MED12L: variants seen among roughly 807,000 people sequenced by gnomAD.
MED12L encodes mediator complex subunit 12L.
A neutral mutation model predicts 281.3 loss-of-function variants in MED12L; 60 were observed. The observed-to-expected ratio is 0.21, with a 90% CI of 0.17 to 0.26. MED12L has a LOEUF of 0.26. Among genes scored for constraint, MED12L ranks in the 10% least tolerant of loss-of-function variants. The pLI, the probability that MED12L is intolerant of heterozygous loss-of-function variation, is 1.00. For missense variants in MED12L, 2,146 were observed against 2,680.9 expected (o/e 0.80, Z 4.41); for synonymous variants, 974 against 987.2 (o/e 0.99, Z 0.25).
intron 1 of MED12L, among the ~76,000 whole-genome samples, chr3:151,086,142 G>C (rs999915432): frequency 3.3e-5 from 5 of 152,116 alleles, no homozygotes; most frequent in African/African-American, 9.7e-5. Flanking sequence ...CCCTCCAGCC[G>C]CCGCGACCGC....
Position 151,382,687 on chromosome 3 carries a change from A to G in MED12L, c.4622A>G (p.Gln1541Arg). ...ILSNWREERY[Q>R]DDIKARQMMH... ...AGTAACTGGAGAGAAGAACGATACC[A>G]AGATGACATAAAAGCGCGGCAGATG... Residue 1541 changes from glutamine (Q) to arginine (R), a missense_variant, in exon 33 of 45, where the codon CAA becomes CGA. Gln to Arg is a conservative substitution (Grantham distance 43). Transcript: ENST00000687756. 6.2e-7 allele frequency: 1 copy of G among 1,612,556 alleles called. No homozygotes were observed. Among genetic ancestry groups the G allele is most frequent in the Non-Finnish European group, 8.5e-7 (1 of 1,179,276 alleles).
At chr3:151,372,451 C>T in intron 26 of MED12L, 116 bp from the exon 27 acceptor site, 2 of 711,774 alleles carry the variant, frequency 2.8e-6, no homozygotes, top group Non-Finnish European at 4.8e-6. Flanking sequence ...ACTGGCTATT[C>T]AATAATAATA....
Position 151,434,859 on chromosome 3 carries a change from T to G in MED12L, c.*2055T>G, listed in dbSNP as rs1264843282. The G allele has an allele frequency of 6.6e-6, 1 of 152,252 alleles. No homozygotes were observed. Among genetic ancestry groups the G allele is most frequent in the Non-Finnish European group, 1.5e-5 (1 of 68,046 alleles). The allele number at this position is 152,252 out of a possible 1,614,324, so 9.4% of individuals were successfully genotyped here. A position where few individuals can be genotyped will look rare whatever the true frequency, so the allele number is the denominator to read the frequency against. Reference sequence around the variant, plus strand: ...TACTTTGCAGAGGTGAGTTAAATTATTAATCATTTTGCACATGAAAGCTGT... The same window carrying G: ...TACTTTGCAGAGGTGAGTTAAATTAGTAATCATTTTGCACATGAAAGCTGT... On this transcript the variant is annotated 3_prime_UTR_variant, in exon 45 of 45. Transcript: ENST00000687756.
intron 3 of MED12L, among the ~76,000 whole-genome samples, chr3:151,119,343 T>A (rs1373090062): frequency 6.6e-6 from 1 of 152,218 alleles, no homozygotes; most frequent in Admixed American, 6.5e-5. Flanking sequence ...ATTTATTTTC[T>A]CACTATCTGA....
chr3:151,242,446 C>G lies in MED12L; in HGVS notation c.2250+48780C>G, dbSNP rs1213295100. Among the ~76,000 whole-genome samples, 4 of 152,102 alleles carry G rather than the reference C, an allele frequency of 2.6e-5. No homozygotes were observed. The East Asian group carries it at 7.7e-4, about 29-fold the overall frequency. On this transcript the variant is annotated intron_variant, in intron 16 of 44. Coordinates refer to ENST00000687756, the MANE Select transcript of MED12L (RefSeq NM_001393769.1). ...AGATCTGAGAACCGGCAGACTGCCT[C>G]CTCAAGTGGGTCCCTGACCCCTGAG...
intron 16 of MED12L, among the ~76,000 whole-genome samples, chr3:151,286,853 A>G (rs945230057): frequency 9.2e-5 from 14 of 152,202 alleles, no homozygotes; most frequent in Non-Finnish European, 1.0e-4. Flanking sequence ...TTATAAGGGA[A>G]TAAAATGATC....
chr3:151,381,745 C>A (rs1309788892), intron 32 of MED12L, among the ~76,000 whole-genome samples: 2 of 152,130 alleles, frequency 1.3e-5, no homozygotes, highest in Non-Finnish European at 2.9e-5. Context: ...TATTTGAGCT[C>A]CATGAGAGCT....
chr3:151,403,596 A>G (rs549867549), intron 39 of MED12L, among the ~76,000 whole-genome samples: 6 of 152,272 alleles, frequency 3.9e-5, no homozygotes, highest in African/African-American at 1.2e-4. Context: ...CTTCATCTCT[A>G]CTGCTTTGCC....
chr3:151,329,344 G>C, intron 16 of MED12L: 1 of 605,032 alleles, frequency 1.7e-6, no homozygotes, highest in Admixed American at 3.3e-5. Context: ...TAATACATCA[G>C]ATTGCTGTAA....
chr3:151,391,635 A>G (rs891400253), intron 38 of MED12L, among the ~76,000 whole-genome samples: 3 of 152,234 alleles, frequency 2.0e-5, no homozygotes, highest in Non-Finnish European at 2.9e-5. Context: ...AACGTTTACA[A>G]ATTTTTGTTG....
chr3:151,290,819 CT>C (rs1280957204), intron 16 of MED12L, among the ~76,000 whole-genome samples: 2 of 152,176 alleles, frequency 1.3e-5, no homozygotes, highest in Non-Finnish European at 2.9e-5. Context: ...AATTCGAATG[CT>C]GTAAATAGGA....
At chr3:151,355,822 G>A (rs1753847416) in intron 18 of MED12L, 74 bp from the exon 19 acceptor site, 2 of 1,367,442 alleles carry the variant, frequency 1.5e-6, no homozygotes, top group Admixed American at 2.3e-5. Context: ...GTCTTAAAAA[G>A]TAAAAATGAT....
chr3:151,178,533 A>G (rs1246753723), intron 11 of MED12L, among the ~76,000 whole-genome samples: 1 of 152,212 alleles, frequency 6.6e-6, no homozygotes, highest in African/African-American at 2.4e-5. Flanking sequence ...AGGGAAGGAC[A>G]GAGTTACCTA....
chr3:151,424,644 C>A (rs1297786085), intron 43 of MED12L, among the ~76,000 whole-genome samples: 2 of 151,710 alleles, frequency 1.3e-5, no homozygotes, highest in African/African-American at 2.4e-5. Context: ...CAAAACAAAA[C>A]AAAAAAACTC....
At chr3:151,362,877 A>G (rs577261651) in intron 21 of MED12L, among the ~76,000 whole-genome samples, 2 of 152,284 alleles carry the variant, frequency 1.3e-5, no homozygotes, top group African/African-American at 4.8e-5. Context: ...TTGTGTCACA[A>G]TTTAAAAATA....
intron 5 of MED12L, among the ~76,000 whole-genome samples, chr3:151,151,597 T>A (rs951310492): frequency 1.1e-5 from 1 of 88,438 alleles, no homozygotes. Flanking sequence ...GGGTGGGGGG[T>A]GGGAAGAGAG....
At position 151,163,769 on chromosome 3, in the gene MED12L, G is replaced by A. The variant is rs1469853951; in HGVS notation, c.1108-124G>A. 5.4e-6 allele frequency: 5 copies of A among 922,702 alleles called. No homozygotes were observed. In the South Asian group the frequency reaches 6.1e-5, roughly 11 times the overall value. 57.2% of individuals were successfully genotyped at this position (922,702 alleles called of 1,614,324 possible). On this transcript the variant is annotated intron_variant, in intron 8 of 44. Transcript: ENST00000687756. ...GTTGAGAATGGGGTAAGACACTCTC[G>A]TATTTTAAACTTACTAGTAGGAGAC... is the stretch of plus-strand genomic sequence containing the variant.
chr3:151,195,027 G>T (rs570503943), intron 16 of MED12L, among the ~76,000 whole-genome samples: 7 of 152,226 alleles, frequency 4.6e-5, no homozygotes, highest in African/African-American at 1.7e-4. Flanking sequence ...AGCAGGCCTG[G>T]TGGCGGGCGC....
At chr3:151,329,967 G>A (rs903436828) in intron 16 of MED12L, among the ~76,000 whole-genome samples, 1 of 152,124 alleles carries the variant, frequency 6.6e-6, no homozygotes, top group African/African-American at 2.4e-5. Context: ...ATTTTTGTAG[G>A]TATTTGACTT....
Sources: gnomAD v4.1 joint callset for allele counts (sites outside exome capture counted in the v4.1 genomes callset) on GRCh38, gnomAD v4.1.1 for gene constraint, MANE v1.5 for transcripts, NCBI Gene and HGNC (gene_info 2026-07-23, HGNC 2026-07-21) for gene names.